LRRC69: variants seen among roughly 807,000 people sequenced by gnomAD.
The protein encoded by LRRC69 is leucine rich repeat containing 69, also known as leucine-rich repeat-containing protein 69.
In LRRC69, 42 loss-of-function variants were observed where a neutral mutation model predicts 37.8. That is an observed-to-expected ratio of 1.11 (90% CI 0.87 to 1.44). The LOEUF is 1.44. LRRC69 is among the 40% of genes most tolerant of loss of function. LRRC69 has a pLI of 0.00. For missense variants in LRRC69, 357 were observed against 401.9 expected (o/e 0.89, Z 0.96); for synonymous variants, 141 against 143.1 (o/e 0.99, Z 0.11).
intron 5 of LRRC69, among the ~76,000 whole-genome samples, chr8:91,168,591 C>T (rs899055873): frequency 1.3e-5 from 2 of 151,876 alleles, no homozygotes; most frequent in South Asian, 2.1e-4. Context: ...AGTGCAAGCA[C>T]GAAGACAACA....
At chr8:91,164,041 G>T (rs1406534885) in intron 5 of LRRC69, among the ~76,000 whole-genome samples, 1 of 151,480 alleles carries the variant, frequency 6.6e-6, no homozygotes, top group East Asian at 1.9e-4. Flanking sequence ...TGTCAGGAGT[G>T]AGAGTATGAG....
chr8:91,112,470 A>G (rs1813425132), intron 1 of LRRC69, among the ~76,000 whole-genome samples: 1 of 152,118 alleles, frequency 6.6e-6, no homozygotes, highest in Admixed American at 6.6e-5. Flanking sequence ...ACACATTAAC[A>G]AAACGAAAGA....
chr8:91,148,004 C>A (rs1472935600), intron 5 of LRRC69, among the ~76,000 whole-genome samples: 1 of 151,644 alleles, frequency 6.6e-6, no homozygotes, highest in Non-Finnish European at 1.5e-5. Context: ...ATGATGGCTT[C>A]CAGCTTCATC....
chr8:91,207,762 T>G (rs1339914524), intron 7 of LRRC69, among the ~76,000 whole-genome samples: 4 of 152,156 alleles, frequency 2.6e-5, no homozygotes, highest in Admixed American at 6.5e-5. Context: ...AGAGATGAAG[T>G]TGGAGAAAAC....
chr8:91,166,748 G>A (rs868556705), intron 5 of LRRC69, among the ~76,000 whole-genome samples: 1 of 151,770 alleles, frequency 6.6e-6, no homozygotes, highest in African/African-American at 2.4e-5. Context: ...TAGAGTGCAA[G>A]TTCCACTGAA....
intron 7 of LRRC69, among the ~76,000 whole-genome samples, chr8:91,216,293 A>G (rs1818684957): frequency 6.6e-6 from 1 of 152,080 alleles, no homozygotes; most frequent in Non-Finnish European, 1.5e-5. Flanking sequence ...ATAAGAGCCA[A>G]CCTAAACTCT....
intron 5 of LRRC69, 58 bp from the exon 6 acceptor site, chr8:91,189,464 C>A (rs1809456789): frequency 1.9e-6 from 2 of 1,073,516 alleles, no homozygotes; most frequent in Non-Finnish European, 2.8e-6. Context: ...AAAAATGTAG[C>A]TTTAGAGGTA....
intron 2 of LRRC69, 155 bp downstream of exon 2, chr8:91,124,774 T>G: frequency 1.7e-6 from 1 of 598,712 alleles, no homozygotes; most frequent in Non-Finnish European, 2.8e-6. Flanking sequence ...GAGACAACAC[T>G]TTTAAAAAAG....
chr8:91,195,564 C>T (rs1809582873), intron 6 of LRRC69, among the ~76,000 whole-genome samples: 1 of 149,956 alleles, frequency 6.7e-6, no homozygotes, highest in South Asian at 2.1e-4. Flanking sequence ...ATAGTTAGCT[C>T]TTCTTGTTGA....
exon 1 of LRRC69, chr8:91,102,674 T>C (rs2130465859): frequency 6.5e-7 from 1 of 1,550,236 alleles, no homozygotes; most frequent in African/African-American, 1.4e-5. Context: ...GACTGAGAGA[T>C]TGTTAATAAA....
chr8:91,216,372 A>G (rs1810048368), intron 7 of LRRC69, among the ~76,000 whole-genome samples: 1 of 152,168 alleles, frequency 6.6e-6, no homozygotes, highest in Non-Finnish European at 1.5e-5. Context: ...AATGCCTTTA[A>G]TACTTTCTAT....
At position 91,191,792 on chromosome 8, in the gene LRRC69, A is replaced by G. The variant is rs535723039; in HGVS notation, c.753+2169A>G. ...CTGTGAGGGTGGTGAATGAGAGAGA[A>G]ATTGTTCTAATTTTCAGAACTGTTG... On this transcript the variant is annotated intron_variant, in intron 6 of 7. Transcript: ENST00000448384. Among the ~76,000 whole-genome samples the G allele has an allele frequency of 6.4e-4, 97 of 152,232 alleles. 1 individual carries two copies. Among genetic ancestry groups the G allele is most frequent in the African/African-American group, 2.3e-3 (95 of 41,542 alleles).
At chr8:91,111,650 G>A (rs755945355) in intron 1 of LRRC69, among the ~76,000 whole-genome samples, 4 of 151,996 alleles carry the variant, frequency 2.6e-5, no homozygotes, top group Non-Finnish European at 5.9e-5. Context: ...AATACCACAT[G>A]TTGTCACTTA....
At chr8:91,130,501 CT>C (rs1200950946) in intron 3 of LRRC69, 1 of 152,066 alleles carries the variant, frequency 6.6e-6, no homozygotes, top group African/African-American at 2.4e-5. Context: ...TCTCGAACTC[CT>C]GACCTCAAGT....
chr8:91,185,330 T>C (rs1189759139), intron 5 of LRRC69, among the ~76,000 whole-genome samples: 2 of 149,628 alleles, frequency 1.3e-5, no homozygotes, highest in Non-Finnish European at 3.0e-5. Context: ...TCAGTGTCTG[T>C]CTGTCTGTCT....
intron 5 of LRRC69, among the ~76,000 whole-genome samples, chr8:91,167,350 G>C (rs577348434): frequency 6.6e-6 from 1 of 151,698 alleles, no homozygotes; most frequent in South Asian, 2.1e-4. Flanking sequence ...AAAACCATCA[G>C]ATCTAGTGAG....
intron 7 of LRRC69, chr8:91,206,742 A>G: frequency 7.8e-7 from 1 of 1,289,760 alleles, no homozygotes; most frequent in Non-Finnish European, 1.0e-6. Context: ...TTTGGTACTG[A>G]GTGTGCATCT....
At chr8:91,109,076 G>T (rs1054061762) in intron 1 of LRRC69, among the ~76,000 whole-genome samples, 16 of 151,916 alleles carry the variant, frequency 1.1e-4, no homozygotes, top group African/African-American at 3.9e-4. Flanking sequence ...TATTTCCTAA[G>T]CCTGGCTATC....
At chr8:91,149,086 A>T (rs1162531502) in intron 5 of LRRC69, among the ~76,000 whole-genome samples, 1 of 151,614 alleles carries the variant, frequency 6.6e-6, no homozygotes, top group East Asian at 1.9e-4. Context: ...TCTTTAGTTT[A>T]ATTAGATCCC....
Sources: allele counts gnomAD v4.1 joint callset (sites outside exome capture counted in the v4.1 genomes callset), GRCh38; gene constraint gnomAD v4.1.1; transcripts MANE v1.5; gene names NCBI Gene and HGNC (gene_info 2026-07-23, HGNC 2026-07-21).